UBE2D2: variants seen among roughly 807,000 people sequenced by gnomAD.
The protein encoded by UBE2D2 is ubiquitin-conjugating enzyme E2 D2.
UBE2D2 carries 2 observed loss-of-function variants against 24.2 expected under a neutral mutation model. The observed-to-expected ratio is 0.08, with a 90% confidence interval of 0.03 to 0.26. The LOEUF is 0.26. Among genes scored for constraint, UBE2D2 ranks in the 10% least tolerant of loss-of-function variants. UBE2D2 has a pLI of 1.00. For missense variants in UBE2D2, 44 were observed against 177.6 expected (o/e 0.25, Z 4.28); for synonymous variants, 58 against 56.5 (o/e 1.03, Z -0.12).
In UBE2D2 at chr5:139,626,993, T is replaced by C. The variant is rs1581538522; in HGVS notation, c.*192T>C. 5.0e-5 allele frequency: 27 copies of C among 542,538 alleles called. No homozygotes were observed. In the East Asian group the frequency reaches 8.6e-4, roughly 17 times the overall value. The allele number at this position is 542,538 out of a possible 1,614,324, so 33.6% of individuals were successfully genotyped here. On this transcript the variant is annotated 3_prime_UTR_variant, in exon 7 of 7. Transcript: ENST00000398733. ...ACAAACTAGAAATACTGTACTTCTG[T>C]ACCAACATTGCCTCCTAGCAGAGAA...
intron 1 of UBE2D2, among the ~76,000 whole-genome samples, chr5:139,527,381 C>A (rs190717095): frequency 3.9e-4 from 59 of 152,222 alleles, no homozygotes; most frequent in Non-Finnish European, 6.5e-4. Context: ...CCATCTATAC[C>A]AATTTTAAGT....
intron 1 of UBE2D2, among the ~76,000 whole-genome samples, chr5:139,596,481 A>G (rs567767734): frequency 6.6e-6 from 1 of 151,488 alleles, no homozygotes; most frequent in East Asian, 2.0e-4. Flanking sequence ...TTTTTTAGAG[A>G]TGGGGTTTCA....
At chr5:139,582,110 GTAGGCACTGTGGTGTACAGGTGTA>G (rs1244390116) in intron 1 of UBE2D2, among the ~76,000 whole-genome samples, 66 of 151,706 alleles carry the variant, frequency 4.4e-4, no homozygotes, top group African/African-American at 1.5e-3. Flanking sequence ...CCCAAGGACT[GTAGGCACTGTGGTGTACAGGTGTA>G]TAGGCACTGC....
chr5:139,611,985 T>C (rs1754331234), intron 2 of UBE2D2: 1 of 135,204 alleles, frequency 7.4e-6, no homozygotes, highest in Non-Finnish European at 1.6e-5. Flanking sequence ...TTTTTGAACA[T>C]GAAATGTTTC....
At chr5:139,547,713 G>T (rs1028513221) in intron 1 of UBE2D2, among the ~76,000 whole-genome samples, 5 of 150,320 alleles carry the variant, frequency 3.3e-5, no homozygotes, top group Admixed American at 2.7e-4. Flanking sequence ...TATTTTTTTT[G>T]AGACGGAGTC....
chr5:139,626,814 T>C lies in UBE2D2; in HGVS notation c.*13T>C. On this transcript the variant is annotated 3_prime_UTR_variant, in exon 7 of 7. Transcript: ENST00000398733. ...GTATGCGATGTAATTAAAGAAATTA[T>C]TGGATAACCTCTACAAATAAAGATA... 6.2e-7 allele frequency: 1 copy of C among 1,609,138 alleles called. No individual in the cohort carries two copies. Among genetic ancestry groups the C allele is most frequent in the East Asian group, 2.2e-5 (1 of 44,850 alleles).
At chr5:139,595,482 G>A (rs932995011) in intron 1 of UBE2D2, among the ~76,000 whole-genome samples, 9 of 152,002 alleles carry the variant, frequency 5.9e-5, no homozygotes, top group East Asian at 1.9e-4. Context: ...GGGTTCAAGC[G>A]ATTCTCCTGC....
intron 1 of UBE2D2, among the ~76,000 whole-genome samples, chr5:139,575,901 A>G (rs538799726): frequency 1.3e-5 from 2 of 152,308 alleles, no homozygotes; most frequent in South Asian, 4.1e-4. Context: ...GCCTGTAGTC[A>G]TAGCTACTGG....
chr5:139,557,287 C>T (rs1752992436), upstream of UBE2D2, among the ~76,000 whole-genome samples: 2 of 151,918 alleles, frequency 1.3e-5, no homozygotes, highest in African/African-American at 4.8e-5. Flanking sequence ...GCAGCACCAC[C>T]ACGCCTGGCT....
chr5:139,532,536 GGA>G (rs777979920), intron 1 of UBE2D2, among the ~76,000 whole-genome samples: 1 of 151,924 alleles, frequency 6.6e-6, no homozygotes, highest in Non-Finnish European at 1.5e-5. Context: ...TATTTTTAGT[GGA>G]GACGGAGTTT....
At chr5:139,563,354 A>G (rs1753150179) in intron 1 of UBE2D2, among the ~76,000 whole-genome samples, 1 of 152,206 alleles carries the variant, frequency 6.6e-6, no homozygotes, top group Admixed American at 6.5e-5. Context: ...CAGATTTTAG[A>G]CAATAAATCT....
At chr5:139,534,050 G>T (rs1423354159) in intron 1 of UBE2D2, among the ~76,000 whole-genome samples, 1 of 151,526 alleles carries the variant, frequency 6.6e-6, no homozygotes, top group African/African-American at 2.4e-5. Context: ...CAAAGTGCTG[G>T]GATTACAGGC....
At chr5:139,554,682 A>G (rs1427519614) in intron 1 of UBE2D2, among the ~76,000 whole-genome samples, 1 of 152,192 alleles carries the variant, frequency 6.6e-6, no homozygotes, top group East Asian at 1.9e-4. Context: ...TTTTTCTTGC[A>G]TACCAAAGAG....
At chr5:139,621,396 G>T (rs1213206442) in intron 5 of UBE2D2, among the ~76,000 whole-genome samples, 1 of 152,196 alleles carries the variant, frequency 6.6e-6, no homozygotes, top group African/African-American at 2.4e-5. Context: ...TCACTGAAGA[G>T]AATTTGAGAC....
Position 139,548,193 on chromosome 5 carries a change from A to AAAAAAAAAAAAAT in UBE2D2, c.-64+21584_-64+21585insAAAAAAAAATAAA. On this transcript the variant is annotated intron_variant, in intron 1 of 6. Coordinates refer to the UBE2D2 transcript ENST00000511725. ...AAAAAAAAAAAAAAAATAAAAAAAA[A>AAAAAAAAAAAAAT]AAATAAATAAATAAATAAATAAACG... is the stretch of plus-strand genomic sequence containing the variant. 1.0e-3 allele frequency among the ~76,000 whole-genome samples: 49 copies of AAAAAAAAAAAAAT among 47,088 alleles called. 2 individuals are homozygous for AAAAAAAAAAAAAT. Among genetic ancestry groups the AAAAAAAAAAAAAT allele is most frequent in the Non-Finnish European group, 1.4e-3 (36 of 26,340 alleles). 30.9% of individuals were successfully genotyped at this position (47,088 alleles called of 152,430 possible).
At chr5:139,549,556 T>G (rs1752878525) in intron 1 of UBE2D2, among the ~76,000 whole-genome samples, 1 of 152,198 alleles carries the variant, frequency 6.6e-6, no homozygotes, top group Admixed American at 6.5e-5. Flanking sequence ...GCTCAAATTC[T>G]TGCCGGGCCT....
rs1193113224 is a variant in UBE2D2, at chr5:139,590,774, CTCT to C, written c.25-9590_25-9588del. Among the ~76,000 whole-genome samples the C allele has an allele frequency of 2.6e-3, 232 of 89,814 alleles. 2 individuals are homozygous for C. The highest frequency in any genetic ancestry group is 4.0e-3 in the Non-Finnish European group (171 of 42,818). 58.9% of individuals were successfully genotyped at this position (89,814 alleles called of 152,430 possible). A position where few individuals can be genotyped will look rare whatever the true frequency, so the allele number is the denominator to read the frequency against. On this transcript the variant is annotated intron_variant, in intron 1 of 6. Coordinates refer to ENST00000398733, the MANE Select transcript of UBE2D2 (RefSeq NM_003339.3). ...GTTGTAAGTTCATGGTGGGTATTTT[CTCT>C]TCTTCTTTTTTTTTTTTTTTTTTTT...
chr5:139,620,992 C>G (rs1192811988), intron 5 of UBE2D2, among the ~76,000 whole-genome samples: 1 of 152,216 alleles, frequency 6.6e-6, no homozygotes, highest in Non-Finnish European at 1.5e-5. Flanking sequence ...CGCCTGTAAT[C>G]CCAGCACTTC....
intron 1 of UBE2D2, among the ~76,000 whole-genome samples, chr5:139,526,891 T>G (rs1752547235): frequency 6.6e-6 from 1 of 152,176 alleles, no homozygotes; most frequent in African/African-American, 2.4e-5. Context: ...GGTATTCAGA[T>G]TTTGAATTTC....
Sources: allele counts gnomAD v4.1 joint callset (sites outside exome capture counted in the v4.1 genomes callset), GRCh38; gene constraint gnomAD v4.1.1; transcripts MANE v1.5; gene names NCBI Gene and HGNC (gene_info 2026-07-23, HGNC 2026-07-21).